The following MASP1 variants were observed in gnomAD, a reference collection of about 807,000 sequenced individuals.
The protein encoded by MASP1 is mannan-binding lectin serine protease 1.
In MASP1, 59 loss-of-function variants were observed where a neutral mutation model predicts 77.1. The ratio of observed to expected loss-of-function variants is 0.77; its 90% confidence interval spans 0.62 to 0.95. MASP1 has a LOEUF of 0.95. Among genes scored for constraint, MASP1 ranks in the 40% least tolerant of loss-of-function variants. The pLI is 0.00. For missense variants in MASP1, 885 were observed against 912.9 expected, an observed-to-expected ratio of 0.97 and a Z score of 0.39; for synonymous variants, 362 against 354.5, an observed-to-expected ratio of 1.02 and a Z score of -0.24.
At chr3:187,260,715 T>C in intron 4 of MASP1, 26 bp downstream of exon 4, 1 of 1,614,164 alleles carries the variant, frequency 6.2e-7, no homozygotes, top group Non-Finnish European at 8.5e-7. Flanking sequence ...ATAAGGGCAA[T>C]GCATACAATC....
chr3:187,273,860 G>A (rs1716731161), intron 2 of MASP1, among the ~76,000 whole-genome samples: 1 of 152,228 alleles, frequency 6.6e-6, no homozygotes, highest in Non-Finnish European at 1.5e-5. Context: ...TCAAATGAGA[G>A]GTTCTGGAGG....
At chr3:187,275,707 G>A (rs1422843926) in intron 2 of MASP1, among the ~76,000 whole-genome samples, 1 of 152,076 alleles carries the variant, frequency 6.6e-6, no homozygotes, top group East Asian at 1.9e-4. Flanking sequence ...TCTATGCTCT[G>A]CGGGCTCTCT....
intron 1 of MASP1, 68 bp downstream of exon 1, chr3:187,291,560 A>C: frequency 3.1e-6 from 5 of 1,598,698 alleles, no homozygotes; most frequent in South Asian, 1.1e-5. Context: ...TGACAAGGTC[A>C]GACCTTCCCT....
chr3:187,234,505 G>A lies in MASP1; in HGVS notation c.*1179C>T. On this transcript the variant is annotated 3_prime_UTR_variant, in exon 11 of 11. Transcript: ENST00000296280. Reference sequence around the variant, plus strand: ...TGATTTTTCAAAGGTTATACAGCCAGTTGGGGGCAGAGCAGGGACTAGAAC... The same window carrying A: ...TGATTTTTCAAAGGTTATACAGCCAATTGGGGGCAGAGCAGGGACTAGAAC... 7.8e-7 allele frequency: 1 copy of A among 1,286,382 alleles called. No individual in the cohort carries two copies. Among genetic ancestry groups the A allele is most frequent in the South Asian group, 1.2e-5 (1 of 80,910 alleles). The allele number at this position is 1,286,382 out of a possible 1,614,324, so 79.7% of individuals were successfully genotyped here.
Position 187,282,509 on chromosome 3 carries a change from AAAAG to A in MASP1, c.237+3312_237+3315del, listed in dbSNP as rs1328159343. ...AGATTCCGTTTCAAAAAAAAAAAAA[AAAAG>A]AAGAAGAAGAAAACGTGTACTGGGG... On this transcript the variant is annotated intron_variant, in intron 2 of 10. Transcript: ENST00000296280. Among the ~76,000 whole-genome samples the A allele has an allele frequency of 4.4e-4, 54 of 123,444 alleles. No homozygotes were observed. The South Asian group carries it at 8.8e-3, about 20-fold the overall frequency. 81.0% of individuals were successfully genotyped at this position (123,444 alleles called of 152,430 possible). A position where few individuals can be genotyped will look rare whatever the true frequency, so the allele number is the denominator to read the frequency against.
At chr3:187,247,628 G>A (rs1714207774) in intron 8 of MASP1, among the ~76,000 whole-genome samples, 2 of 152,216 alleles carry the variant, frequency 1.3e-5, no homozygotes, top group Admixed American at 6.5e-5. Flanking sequence ...CCTGGCTCAT[G>A]AGGATTATAA....
rs770977801 is a variant in MASP1, at chr3:187,291,710, G to T, written c.-78C>A. On this transcript the variant is annotated 5_prime_UTR_variant, in exon 1 of 11. Coordinates refer to ENST00000296280, the MANE Select transcript of MASP1 (RefSeq NM_139125.4). ...TTGCCTGTGAGCTCGTGCCCGGTGTGGTGTCCGTGATGCCTTATCTTTGTT... is the reference window on the plus strand; with the variant it reads ...TTGCCTGTGAGCTCGTGCCCGGTGTTGTGTCCGTGATGCCTTATCTTTGTT... 24 of 1,565,216 alleles carry T rather than the reference G, an allele frequency of 1.5e-5. No homozygotes were observed. Among genetic ancestry groups the T allele is most frequent in the Non-Finnish European group, 2.0e-5 (23 of 1,135,610 alleles).
intron 2 of MASP1, among the ~76,000 whole-genome samples, chr3:187,274,801 G>A: frequency 6.6e-6 from 1 of 152,180 alleles, no homozygotes; most frequent in Middle Eastern, 3.2e-3. Context: ...CTGCTGCCAG[G>A]AAGGATTGCC....
At position 187,251,680 on chromosome 3, in the gene MASP1, T is replaced by C. The variant is rs1425310072; in HGVS notation, c.965A>G (p.Lys322Arg). 1 of 1,614,196 alleles carries C rather than the reference T, an allele frequency of 6.2e-7. No individual in the cohort carries two copies. The highest frequency in any genetic ancestry group is 1.7e-5 in the Admixed American group (1 of 60,026). Residue 322 changes from lysine to arginine, a missense_variant, in exon 7 of 11, where the codon AAA becomes AGA. Lys to Arg is a conservative substitution (Grantham distance 26, BLOSUM62 2). Transcript: ENST00000296280. The stretch of plus-strand genomic sequence containing the variant: ...GTCACAGCTGACGAGCACTTGGTCT[T>C]TGAAGAAATACTTGGCTTGGGAGGG... ...IEPSQAKYFF[K>R]DQVLVSCDTG...
rs148473981 is a variant in MASP1, at chr3:187,228,899, C to G, written c.1441+861G>C. ...CTGCAGCTCTAGCCCAGACCTGATG[C>G]CTTGCCAAAGGGATCCCTGCCCCAG... is the stretch of plus-strand genomic sequence containing the variant. On this transcript the variant is annotated intron_variant, in intron 11 of 15. Coordinates refer to the MASP1 transcript ENST00000337774. Among the ~76,000 whole-genome samples the G allele has an allele frequency of 8.1e-4, 123 of 152,276 alleles. 1 individual carries two copies. Among genetic ancestry groups the G allele is most frequent in the African/African-American group, 2.9e-3 (119 of 41,558 alleles).
At chr3:187,223,010 T>C (rs1175455608) in intron 14 of MASP1, 4 of 874,816 alleles carry the variant, frequency 4.6e-6, no homozygotes, top group Non-Finnish European at 7.7e-6. Flanking sequence ...GGGCTCCTAG[T>C]TTCCCACTCA....
At chr3:187,255,669 G>A (rs1715010369) in intron 5 of MASP1, among the ~76,000 whole-genome samples, 1 of 152,192 alleles carries the variant, frequency 6.6e-6, no homozygotes, top group Non-Finnish European at 1.5e-5. Context: ...GGACAGCCCA[G>A]GCTCTAAGTT....
At chr3:187,221,284 T>G in intron 14 of MASP1, 1 of 683,864 alleles carries the variant, frequency 1.5e-6, no homozygotes, top group Admixed American at 2.1e-5. Context: ...ATGCTACAGG[T>G]GAAGGAACAG....
Position 187,234,736 on chromosome 3 carries a change from A to G in MASP1, c.*948T>C. The stretch of plus-strand genomic sequence containing the variant: ...CTCTTTCTTCCATTTTCCTGCCCAA[A>G]AGCACAGCAGGACACAGTGTGGGTC... On this transcript the variant is annotated 3_prime_UTR_variant, in exon 11 of 11. Coordinates refer to ENST00000296280, the MANE Select transcript of MASP1 (RefSeq NM_139125.4). The G allele has an allele frequency of 7.8e-7, 1 of 1,287,238 alleles. No homozygotes were observed. Among genetic ancestry groups the G allele is most frequent in the Non-Finnish European group, 1.0e-6 (1 of 988,704 alleles). 79.7% of individuals were successfully genotyped at this position (1,287,238 alleles called of 1,614,324 possible).
At chr3:187,241,709 G>C in intron 9 of MASP1, 154 bp from the exon 10 acceptor site, 1 of 624,260 alleles carries the variant, frequency 1.6e-6, no homozygotes, top group East Asian at 3.0e-5. Flanking sequence ...TCTGAGCCTA[G>C]ATGTACTAAG....
At chr3:187,256,973 T>A (rs1560017396) in intron 4 of MASP1, 113 bp from the exon 5 acceptor site, 2 of 866,900 alleles carry the variant, frequency 2.3e-6, no homozygotes, top group Admixed American at 2.0e-5. Flanking sequence ...ACAGGGAAGG[T>A]ATCGGCATCT....
Position 187,235,783 on chromosome 3 carries a change from C to G in MASP1, c.2088G>C (p.Gln696His). The G allele has an allele frequency of 6.2e-7, 1 of 1,614,182 alleles. No individual in the cohort carries two copies. Among genetic ancestry groups the G allele is most frequent in the East Asian group, 2.2e-5 (1 of 44,880 alleles). ...WGGPEECGSK[Q>H]VYGVYTKVSN... ...AGACCTTTGTGTAGACTCCATAGAC[C>G]TGCTTGCTGCCGCATTCTTCAGGTC... The change falls in exon 11 of 11, where the codon CAG becomes CAC. Residue 696 changes from glutamine to histidine, a missense_variant. Transcript: ENST00000296280.
chr3:187,271,249 G>A (rs182556084), intron 2 of MASP1, among the ~76,000 whole-genome samples: 1 of 152,272 alleles, frequency 6.6e-6, no homozygotes, highest in East Asian at 1.9e-4. Flanking sequence ...AGATAGATCA[G>A]GCTGTTTTGG....
intron 3 of MASP1, 93 bp from the exon 4 acceptor site, chr3:187,260,965 A>G: frequency 6.5e-6 from 9 of 1,383,728 alleles, no homozygotes; most frequent in Non-Finnish European, 9.3e-6. Context: ...GCCACTCACT[A>G]TGTTAGGAGA....
Sources: allele counts gnomAD v4.1 joint callset (sites outside exome capture counted in the v4.1 genomes callset), GRCh38; gene constraint gnomAD v4.1.1; transcripts MANE v1.5; gene names NCBI Gene and HGNC (gene_info 2026-07-23, HGNC 2026-07-21).